Variants in NGF observed in about 807,000 individuals in gnomAD.
NGF encodes the protein nerve growth factor.
In NGF, 4 loss-of-function variants were observed where a neutral mutation model predicts 12.8. The observed-to-expected ratio is 0.31, with a 90% CI of 0.15 to 0.72. The LOEUF (loss-of-function observed/expected upper bound fraction) is 0.72, where lower values mean the gene tolerates loss of function less well. Among genes scored for constraint, NGF ranks in the 30% least tolerant of loss-of-function variants. NGF has a pLI of 0.69. For synonymous variants in NGF, 140 were observed against 130.0 expected (o/e 1.08, Z -0.52); for missense variants, 283 against 330.8 (o/e 0.86, Z 1.12).
chr1:115,286,718 G>A lies in NGF; in HGVS notation c.78C>T (p.Val26=), dbSNP rs150188752. ...IQAEPHSESN[V]PAGHTIPQAH... ...CTTGGGGGATGGTGTGTCCTGCAGG[G>A]ACATTGCTCTCTGAGTGTGGTTCCG... Residue 26 remains valine (V), a synonymous_variant, in exon 3 of 3, where the codon GTC becomes GTT. Coordinates refer to ENST00000369512, the MANE Select transcript of NGF (RefSeq NM_002506.3). The A allele has an allele frequency of 3.0e-4, 486 of 1,614,212 alleles. 2 individuals carry two copies. In the African/African-American group the frequency reaches 5.9e-3, roughly 20 times the overall value.
chr1:115,306,386 C>A (rs538684694), intron 1 of NGF, among the ~76,000 whole-genome samples: 93 of 152,172 alleles, frequency 6.1e-4, no homozygotes, highest in Non-Finnish European at 1.0e-3. Flanking sequence ...ATGCTCTCAG[C>A]AGTGAGTGCT....
At position 115,321,406 on chromosome 1, in the gene NGF, G is replaced by GT. The variant is rs370996716; in HGVS notation, c.-137+16797dup. Among the ~76,000 whole-genome samples, 693 of 152,122 alleles carry GT rather than the reference G, an allele frequency of 4.6e-3. 4 individuals carry two copies. The highest frequency in any genetic ancestry group is 0.016 in the African/African-American group (652 of 41,514). On this transcript the variant is annotated intron_variant, in intron 1 of 2. Coordinates refer to ENST00000369512, the MANE Select transcript of NGF (RefSeq NM_002506.3). Reference sequence around the variant, plus strand: ...GGAACTTCATCCACCAGCTTTTTGGGTTTTTTTCCTTCTTTTTTTGCATTT... The same window carrying GT: ...GGAACTTCATCCACCAGCTTTTTGGGTTTTTTTTCCTTCTTTTTTTGCATTT...
intron 2 of NGF, among the ~76,000 whole-genome samples, chr1:115,287,536 CAT>C (rs1653552495): frequency 6.6e-6 from 1 of 152,166 alleles, no homozygotes; most frequent in African/African-American, 2.4e-5. Context: ...TCTATCTTCT[CAT>C]GAGTCTGTGA....
At chr1:115,333,674 T>C (rs974850659) in intron 1 of NGF, among the ~76,000 whole-genome samples, 1 of 63,476 alleles carries the variant, frequency 1.6e-5, no homozygotes, top group Non-Finnish European at 2.4e-5. Flanking sequence ...TCTTTCTTTC[T>C]TTCTTTCTTT....
chr1:115,322,591 C>G (rs938666806), intron 1 of NGF, among the ~76,000 whole-genome samples: 2 of 152,018 alleles, frequency 1.3e-5, no homozygotes, highest in Non-Finnish European at 2.9e-5. Flanking sequence ...GCTTGACCAG[C>G]GTAAAGAGAT....
At chr1:115,291,171 A>G (rs1411505029) in intron 2 of NGF, among the ~76,000 whole-genome samples, 1 of 152,214 alleles carries the variant, frequency 6.6e-6, no homozygotes, top group Non-Finnish European at 1.5e-5. Flanking sequence ...TTTTAGGTTT[A>G]AAGTTTTTTT....
In NGF at chr1:115,286,704, G is replaced by A; in HGVS notation, c.92C>T (p.Thr31Ile). 1 of 1,614,230 alleles carries A rather than the reference G, an allele frequency of 6.2e-7. No individual in the cohort carries two copies. The highest frequency in any genetic ancestry group is 1.7e-5 in the Admixed American group (1 of 60,028). The change falls in exon 3 of 3, where the codon ACC (threonine) becomes ATC (isoleucine). Residue 31 changes from threonine to isoleucine, a missense_variant. Coordinates refer to ENST00000369512, the MANE Select transcript of NGF (RefSeq NM_002506.3). The part of the protein sequence containing the change: ...HSESNVPAGH[T>I]IPQAHWTKLQ... ...TTTAGTCCAGTGGGCTTGGGGGATG[G>A]TGTGTCCTGCAGGGACATTGCTCTC...
chr1:115,306,390 G>C (rs940348996), intron 1 of NGF, among the ~76,000 whole-genome samples: 1 of 152,208 alleles, frequency 6.6e-6, no homozygotes, highest in Non-Finnish European at 1.5e-5. Context: ...TCTCAGCAGT[G>C]AGTGCTTCAT....
chr1:115,299,413 A>G (rs1329207909), intron 1 of NGF, among the ~76,000 whole-genome samples: 2 of 152,172 alleles, frequency 1.3e-5, no homozygotes, highest in Non-Finnish European at 2.9e-5. Flanking sequence ...ATCAAAGGGC[A>G]CTTGCTATGA....
Position 115,312,093 on chromosome 1 carries a change from T to C in NGF, c.-136-18343A>G, listed in dbSNP as rs532074662. Reference sequence around the variant, plus strand: ...TTAAGTTGTGTCTATAAGTAGAGAGTAAATTGCTTTAGTTTGCTGTTGCTT... The same window carrying C: ...TTAAGTTGTGTCTATAAGTAGAGAGCAAATTGCTTTAGTTTGCTGTTGCTT... On this transcript the variant is annotated intron_variant, in intron 1 of 2. Transcript: ENST00000369512. Among the ~76,000 whole-genome samples, 100 of 152,324 alleles carry C rather than the reference T, an allele frequency of 6.6e-4. 1 individual carries two copies. Among genetic ancestry groups the C allele is most frequent in the African/African-American group, 2.4e-3 (99 of 41,570 alleles).
intron 1 of NGF, among the ~76,000 whole-genome samples, chr1:115,298,088 A>G (rs1653924438): frequency 6.6e-6 from 1 of 152,238 alleles, no homozygotes; most frequent in Non-Finnish European, 1.5e-5. Flanking sequence ...AGAAGGTCTG[A>G]AAATATAGTT....
At chr1:115,307,658 G>T (rs778981523) in intron 1 of NGF, among the ~76,000 whole-genome samples, 1 of 152,232 alleles carries the variant, frequency 6.6e-6, no homozygotes, top group Non-Finnish European at 1.5e-5. Flanking sequence ...CTGGCTTCTG[G>T]TAGTCCTACA....
intron 1 of NGF, among the ~76,000 whole-genome samples, chr1:115,308,142 T>C (rs1426853169): frequency 6.6e-6 from 1 of 152,256 alleles, no homozygotes; most frequent in Non-Finnish European, 1.5e-5. Flanking sequence ...GTTTGCATCA[T>C]TGCTTTACCA....
chr1:115,287,916 C>T (rs140034040), intron 2 of NGF, among the ~76,000 whole-genome samples: 117 of 152,298 alleles, frequency 7.7e-4, no homozygotes, highest in African/African-American at 2.7e-3. Flanking sequence ...CACTGGCCTC[C>T]GCGGAGCTCC....
At chr1:115,321,576 A>ATGTGTGTG (rs59590858) in intron 1 of NGF, among the ~76,000 whole-genome samples, 17 of 133,274 alleles carry the variant, frequency 1.3e-4, no homozygotes, top group East Asian at 6.9e-4. Context: ...TGTGTATGGG[A>ATGTGTGTG]TGTGTGTGTG....
In NGF at chr1:115,306,631, C is replaced by CT. The variant is rs373298752; in HGVS notation, c.-136-12882dup. On this transcript the variant is annotated intron_variant, in intron 1 of 2. Coordinates refer to ENST00000369512, the MANE Select transcript of NGF (RefSeq NM_002506.3). ...TAGCTTAATATTAGGAATTATGTTG[C>CT]TATGTATACAGCAAATTGGTGGTTT... Among the ~76,000 whole-genome samples the CT allele has an allele frequency of 3.3e-3, 500 of 152,294 alleles. 2 individuals are homozygous for CT. The highest frequency in any genetic ancestry group is 0.011 in the African/African-American group (470 of 41,568).
intron 1 of NGF, among the ~76,000 whole-genome samples, chr1:115,302,722 C>G (rs1257394161): frequency 1.3e-5 from 2 of 152,194 alleles, no homozygotes; most frequent in Non-Finnish European, 2.9e-5. Flanking sequence ...CCTTTTGTCC[C>G]CGGGAAGGTG....
chr1:115,290,661 G>A (rs1557935399), intron 2 of NGF, among the ~76,000 whole-genome samples: 1 of 151,980 alleles, frequency 6.6e-6, no homozygotes, highest in Non-Finnish European at 1.5e-5. Flanking sequence ...CAAAGTGTTG[G>A]GATTATAGGC....
At chr1:115,324,382 C>T (rs918068507) in intron 1 of NGF, among the ~76,000 whole-genome samples, 1 of 152,132 alleles carries the variant, frequency 6.6e-6, no homozygotes, top group Non-Finnish European at 1.5e-5. Context: ...CAGTTCATAG[C>T]TTCCTCAATT....
Sources: allele counts gnomAD v4.1 joint callset (sites outside exome capture counted in the v4.1 genomes callset), GRCh38; gene constraint gnomAD v4.1.1; transcripts MANE v1.5; gene names NCBI Gene and HGNC (gene_info 2026-07-23, HGNC 2026-07-21).